The following RHOBTB3 variants were observed in gnomAD, a reference collection of about 807,000 sequenced individuals.
RHOBTB3 encodes the protein Rho related BTB domain containing 3.
RHOBTB3 carries 47 observed loss-of-function variants against 67.2 expected under a neutral mutation model. The observed-to-expected ratio is 0.70, with a 90% confidence interval of 0.55 to 0.89. RHOBTB3 has a LOEUF of 0.89. RHOBTB3 is among the 40% of genes least tolerant of loss of function. The pLI, the probability that RHOBTB3 is intolerant of heterozygous loss-of-function variation, is 0.00. For synonymous variants in RHOBTB3, 273 were observed against 274.2 expected, an observed-to-expected ratio of 1.00 and a Z score of 0.04; for missense variants, 631 against 750.0, an observed-to-expected ratio of 0.84 and a Z score of 1.85.
chr5:95,731,339 AG>A lies in RHOBTB3; in HGVS notation c.-342del. ...GAGGAGGAGCAGCGGCAGCGGCAGC[AG>A]GAGGCGACAGCTGCCAGCCGAGGAG... On this transcript the variant is annotated 5_prime_UTR_variant, in exon 1 of 12. Transcript: ENST00000379982. 9.0e-7 allele frequency: 1 copy of A among 1,105,420 alleles called. No homozygotes were observed. Among genetic ancestry groups the A allele is most frequent in the Non-Finnish European group, 1.1e-6 (1 of 910,126 alleles). The allele number at this position is 1,105,420 out of a possible 1,614,324, so 68.5% of individuals were successfully genotyped here. A position where few individuals can be genotyped will look rare whatever the true frequency, so the allele number is the denominator to read the frequency against.
chr5:95,782,847 A>AAATTTCAT (rs1441453456), intron 9 of RHOBTB3: 16 of 150,924 alleles, frequency 1.1e-4, no homozygotes, highest in Non-Finnish European at 2.1e-4. Context: ...TTAAAATGGT[A>AAATTTCAT]AATTTCATGT....
At chr5:95,749,221 G>A (rs1745015822) in intron 4 of RHOBTB3, among the ~76,000 whole-genome samples, 1 of 152,218 alleles carries the variant, frequency 6.6e-6, no homozygotes, top group Non-Finnish European at 1.5e-5. Flanking sequence ...ACACGGATGA[G>A]AAGTTAAAAG....
At chr5:95,740,857 A>G (rs547802671) in intron 3 of RHOBTB3, among the ~76,000 whole-genome samples, 11 of 152,202 alleles carry the variant, frequency 7.2e-5, no homozygotes, top group Admixed American at 2.0e-4. Context: ...TTATAAACAC[A>G]CACACACACA....
chr5:95,740,994 A>G (rs1025866273), intron 3 of RHOBTB3, among the ~76,000 whole-genome samples: 74 of 152,306 alleles, frequency 4.9e-4, no homozygotes, highest in African/African-American at 1.7e-3. Context: ...ACAATCATCA[A>G]TCAAGAAATC....
upstream of RHOBTB3, chr5:95,730,962 G>T (rs1755208411): frequency 3.9e-6 from 2 of 513,452 alleles, no homozygotes; most frequent in African/African-American, 3.9e-5. Flanking sequence ...ACTCGGGCTG[G>T]AATCCCTAGC....
chr5:95,732,003 G>A lies in RHOBTB3; in HGVS notation c.147G>A (p.Thr49=), dbSNP rs1447073654. 1.2e-6 allele frequency: 2 copies of A among 1,614,094 alleles called. No individual in the cohort carries two copies. The highest frequency in any genetic ancestry group is 2.7e-5 in the African/African-American group (2 of 74,940). Residue 49 remains threonine (T), a synonymous_variant, in exon 2 of 12, where the codon ACG becomes ACA. Coordinates refer to ENST00000379982, the MANE Select transcript of RHOBTB3 (RefSeq NM_014899.4). The part of the protein sequence containing the change: ...ESSLLLNAAS[T]VARPVFTEYQ... Reference sequence around the variant, plus strand: ...GCTTGTTGCTGAACGCGGCCAGCACGGTCGCGCGTCCGGTGTTCACCGAGT... The same window carrying A: ...GCTTGTTGCTGAACGCGGCCAGCACAGTCGCGCGTCCGGTGTTCACCGAGT...
chr5:95,744,757 G>T (rs1019955412), intron 3 of RHOBTB3, among the ~76,000 whole-genome samples: 1 of 152,056 alleles, frequency 6.6e-6, no homozygotes, highest in Admixed American at 6.5e-5. Flanking sequence ...CTTTTTGTTT[G>T]TTTGTTTGTT....
intron 1 of RHOBTB3, among the ~76,000 whole-genome samples, chr5:95,724,025 T>C (rs944646925): frequency 1.3e-5 from 2 of 152,264 alleles, no homozygotes; most frequent in Non-Finnish European, 2.9e-5. Context: ...TTAATGGTGA[T>C]ACGTCATTTG....
At chr5:95,791,009 G>A (rs1052198010) in intron 11 of RHOBTB3, among the ~76,000 whole-genome samples, 6 of 152,162 alleles carry the variant, frequency 3.9e-5, no homozygotes, top group African/African-American at 9.7e-5. Context: ...CCAGAGGGTC[G>A]CAGTCACTTC....
intron 11 of RHOBTB3, among the ~76,000 whole-genome samples, chr5:95,791,798 G>A (rs996852006): frequency 3.3e-5 from 5 of 151,586 alleles, no homozygotes; most frequent in African/African-American, 4.8e-5. Context: ...CGCCCGCCTC[G>A]GCCTCCCAAA....
Position 95,731,994 on chromosome 5 carries a change from G to T in RHOBTB3, c.138G>T (p.Ala46=), listed in dbSNP as rs537299128. ...SGDESSLLLN[A]ASTVARPVFT... ...ACGAGAGCAGCTTGTTGCTGAACGC[G>T]GCCAGCACGGTCGCGCGTCCGGTGT... The change falls in exon 2 of 12, where the codon GCG becomes GCT. Residue 46 remains alanine (A), a synonymous_variant. Coordinates refer to ENST00000379982, the MANE Select transcript of RHOBTB3 (RefSeq NM_014899.4). 1 of 1,614,054 alleles carries T rather than the reference G, an allele frequency of 6.2e-7. No individual in the cohort carries two copies. The highest frequency in any genetic ancestry group is 1.3e-5 in the African/African-American group (1 of 74,918).
chr5:95,766,370 G>A (rs1038570670), intron 7 of RHOBTB3, among the ~76,000 whole-genome samples: 10 of 151,776 alleles, frequency 6.6e-5, no homozygotes, highest in African/African-American at 1.7e-4. Context: ...ATTCAGCAGG[G>A]GGAATGGGTG....
At position 95,784,917 on chromosome 5, in the gene RHOBTB3, G is replaced by A. The variant is rs1205909715; in HGVS notation, c.1623+954G>A. 3.9e-5 allele frequency among the ~76,000 whole-genome samples: 6 copies of A among 152,160 alleles called. No individual in the cohort carries two copies. In the East Asian group the frequency reaches 9.6e-4, roughly 24 times the overall value. ...TTGTGTACTCAACTTGTGGTAAGCC[G>A]AGCCCTCTAGGTTTTTTTCACAGGA... On this transcript the variant is annotated intron_variant, in intron 10 of 11. Coordinates refer to ENST00000379982, the MANE Select transcript of RHOBTB3 (RefSeq NM_014899.4).
At chr5:95,719,200 G>T (rs1027666210) in intron 1 of RHOBTB3, among the ~76,000 whole-genome samples, 4 of 152,274 alleles carry the variant, frequency 2.6e-5, no homozygotes, top group East Asian at 1.9e-4. Context: ...AGGTTAGGTG[G>T]TTGACTGGGA....
chr5:95,782,944 T>A (rs1251951931), intron 9 of RHOBTB3: 1 of 150,774 alleles, frequency 6.6e-6, no homozygotes, highest in Non-Finnish European at 1.5e-5. Context: ...ATGGCAAGGA[T>A]CTAGTTTAGC....
At position 95,731,485 on chromosome 5, in the gene RHOBTB3, C is replaced by A. The variant is rs1362945389; in HGVS notation, c.-198C>A. ...GGCAGCTTATCCCCCGCCCGCTAGC[C>A]CGCCCTGGTCCCCGGCTCGCTCGCT... On this transcript the variant is annotated 5_prime_UTR_variant, in exon 1 of 12. Transcript: ENST00000379982. 2.4e-6 allele frequency: 3 copies of A among 1,233,220 alleles called. No individual in the cohort carries two copies. The highest frequency in any genetic ancestry group is 2.0e-6 in the Non-Finnish European group (2 of 991,510). 76.4% of individuals were successfully genotyped at this position (1,233,220 alleles called of 1,614,324 possible).
At chr5:95,788,323 C>T (rs868705077) in intron 10 of RHOBTB3, among the ~76,000 whole-genome samples, 3 of 152,244 alleles carry the variant, frequency 2.0e-5, no homozygotes, top group Non-Finnish European at 2.9e-5. Context: ...CCCATGCCTT[C>T]GGCCGATGGT....
intron 3 of RHOBTB3, among the ~76,000 whole-genome samples, chr5:95,745,256 A>C (rs939625980): frequency 8.6e-6 from 1 of 115,932 alleles, no homozygotes; most frequent in African/African-American, 3.2e-5. Context: ...TTTTAAAGTT[A>C]AAAAGAATTC....
intron 3 of RHOBTB3, among the ~76,000 whole-genome samples, chr5:95,745,608 G>A (rs1157011647): frequency 1.3e-5 from 2 of 151,972 alleles, no homozygotes; most frequent in African/African-American, 4.8e-5. Context: ...TTTCAAAGAT[G>A]TTATCCATTT....
Sources: gnomAD v4.1 joint callset for allele counts (sites outside exome capture counted in the v4.1 genomes callset) on GRCh38, gnomAD v4.1.1 for gene constraint, MANE v1.5 for transcripts, NCBI Gene and HGNC (gene_info 2026-07-23, HGNC 2026-07-21) for gene names.